The following PITPNM3 variants were observed in gnomAD, a reference collection of about 807,000 sequenced individuals.
PITPNM3 encodes membrane-associated phosphatidylinositol transfer protein 3.
A neutral mutation model predicts 102.0 loss-of-function variants in PITPNM3; 26 were observed. That is an observed-to-expected ratio of 0.25 (90% CI 0.19 to 0.35). The LOEUF is 0.35. Among genes scored for constraint, PITPNM3 ranks in the 10% least tolerant of loss-of-function variants. The probability of loss-of-function intolerance (pLI) is 1.00; values close to 1 mark genes in which losing one functional copy is unlikely to be tolerated. For synonymous variants in PITPNM3, 578 were observed against 558.6 expected (o/e 1.03, Z -0.49); for missense variants, 1,083 against 1,346.1 (o/e 0.80, Z 3.06).
Position 6,478,649 on chromosome 17 carries a change from G to A in PITPNM3, c.675C>T (p.Ser225=), listed in dbSNP as rs747118032. Residue 225 remains serine (S), a synonymous_variant, in exon 7 of 20, where the codon TCC becomes TCT. Coordinates refer to ENST00000262483, the MANE Select transcript of PITPNM3 (RefSeq NM_031220.4). This position sits in a 1 kb window ranked among gnomAD's most constrained non-coding sequence, Gnocchi z 4.4. ...PLAALPLLAI[S]SPQYQDAVAT... ...CGACAGCATCCTGGTACTGCGGGGA[G>A]GAGATGGCCAACAGGGGAAGGGCGG... The A allele has an allele frequency of 6.2e-7, 1 of 1,613,862 alleles. No individual in the cohort carries two copies. The highest frequency in any genetic ancestry group is 1.1e-5 in the South Asian group (1 of 91,016).
intron 3 of PITPNM3, among the ~76,000 whole-genome samples, chr17:6,507,589 A>AC (rs1261932610): frequency 2.0e-5 from 3 of 151,960 alleles, no homozygotes; most frequent in African/African-American, 7.2e-5. Context: ...ATTTAAAAAA[A>AC]AAAACAAAAC....
Position 6,537,870 on chromosome 17 carries a change from TG to T in PITPNM3, c.118+116del. 1.2e-6 allele frequency: 1 copy of T among 842,494 alleles called. No homozygotes were observed. Among genetic ancestry groups the T allele is most frequent in the Non-Finnish European group, 2.0e-6 (1 of 500,266 alleles). The allele number at this position is 842,494 out of a possible 1,614,324, so 52.2% of individuals were successfully genotyped here. A position where few individuals can be genotyped will look rare whatever the true frequency, so the allele number is the denominator to read the frequency against. On this transcript the variant is annotated intron_variant, in intron 2 of 19. Transcript: ENST00000262483. This position sits in a 1 kb window ranked among gnomAD's most constrained non-coding sequence, Gnocchi z 4.4. ...CCACAGGATGGGTAAGTATGGAGTGTGGAGCTGCAGATACCACGTCTGAGTG... is the reference window on the plus strand; with the variant it reads ...CCACAGGATGGGTAAGTATGGAGTGTGAGCTGCAGATACCACGTCTGAGTG...
At chr17:6,475,115 G>A (rs543530812) in intron 9 of PITPNM3, among the ~76,000 whole-genome samples, 45 of 152,308 alleles carry the variant, frequency 3.0e-4, no homozygotes, top group Non-Finnish European at 5.4e-4. Context: ...GCTGGCTAAC[G>A]TCAGTTCTGT....
chr17:6,516,220 A>C (rs1908165702), intron 3 of PITPNM3, among the ~76,000 whole-genome samples: 1 of 152,234 alleles, frequency 6.6e-6, no homozygotes, highest in Non-Finnish European at 1.5e-5. Context: ...ACCAAGAAAT[A>C]AGAATAAGAA....
chr17:6,544,258 C>T (rs535151895), intron 1 of PITPNM3, among the ~76,000 whole-genome samples: 89 of 152,314 alleles, frequency 5.8e-4, no homozygotes, highest in African/African-American at 2.0e-3. Flanking sequence ...GGCATGGTGC[C>T]GCACACTTGT....
At chr17:6,481,985 CCTCTCTCTCTCTCTCTCTCTCT>C (rs773528111) in intron 6 of PITPNM3, among the ~76,000 whole-genome samples, 30 of 56,142 alleles carry the variant, frequency 5.3e-4, no homozygotes, top group East Asian at 2.0e-3. Context: ...GAAAACAGAA[CCTCTCTCTCTCTCTCTCTCTCT>C]CTCTCTCTCT....
chr17:6,460,242 C>A (rs925487022), intron 18 of PITPNM3, among the ~76,000 whole-genome samples: 4 of 152,214 alleles, frequency 2.6e-5, no homozygotes, highest in South Asian at 2.1e-4. Context: ...TGCCTCCGTG[C>A]CTTTGCACAT....
intron 3 of PITPNM3, among the ~76,000 whole-genome samples, chr17:6,524,140 C>G (rs1351244497): frequency 3.9e-5 from 6 of 152,194 alleles, no homozygotes; most frequent in Non-Finnish European, 8.8e-5. Context: ...AGAAAAGGAA[C>G]AGGAACAGGG....
At position 6,451,921 on chromosome 17, in the gene PITPNM3, T is replaced by C. The variant is rs1042618261; in HGVS notation, c.*3417A>G. The C allele has an allele frequency of 7.2e-6, 1 of 138,746 alleles. No homozygotes were observed. Among genetic ancestry groups the C allele is most frequent in the African/African-American group, 2.6e-5 (1 of 38,126 alleles). 8.6% of individuals were successfully genotyped at this position (138,746 alleles called of 1,614,324 possible). A position where few individuals can be genotyped will look rare whatever the true frequency, so the allele number is the denominator to read the frequency against. On this transcript the variant is annotated 3_prime_UTR_variant, in exon 20 of 20. Transcript: ENST00000262483. ...GGGATTCGGTGGGAAAGTTGGTTGT[T>C]TAAGGCGGGGTCAGGGCACCCCTCC...
At chr17:6,549,677 T>G (rs756301105) in intron 1 of PITPNM3, among the ~76,000 whole-genome samples, 2 of 152,232 alleles carry the variant, frequency 1.3e-5, no homozygotes, top group African/African-American at 4.8e-5. Context: ...AGCATTTTCT[T>G]TCTCTTTAGA....
chr17:6,470,450 G>A lies in PITPNM3; in HGVS notation c.1625-42C>T, dbSNP rs765001722. 1 of 1,613,462 alleles carries A rather than the reference G, an allele frequency of 6.2e-7. No individual in the cohort carries two copies. Among genetic ancestry groups the A allele is most frequent in the Non-Finnish European group, 8.5e-7 (1 of 1,179,848 alleles). ...AAGGTGAGGATGCGTGGCCGGCCCG[G>A]GGCCTCACCCGAGGGGCAGCGGGGT... is the stretch of plus-strand genomic sequence containing the variant. On this transcript the variant is annotated intron_variant, in intron 12 of 19. Coordinates refer to ENST00000262483, the MANE Select transcript of PITPNM3 (RefSeq NM_031220.4). This position sits in a 1 kb window ranked among gnomAD's most constrained non-coding sequence, Gnocchi z 4.8.
intron 3 of PITPNM3, among the ~76,000 whole-genome samples, chr17:6,511,720 A>G (rs1303218709): frequency 6.6e-6 from 1 of 152,202 alleles, no homozygotes; most frequent in Admixed American, 6.5e-5. Context: ...ACAGTGGCTC[A>G]CGCCTGTAGT....
intron 2 of PITPNM3, among the ~76,000 whole-genome samples, chr17:6,525,736 T>C (rs572308545): frequency 2.0e-5 from 3 of 152,342 alleles, no homozygotes; most frequent in South Asian, 4.1e-4. Context: ...GTACCATTCC[T>C]AGCACTGATG....
intron 1 of PITPNM3, among the ~76,000 whole-genome samples, chr17:6,554,919 G>A (rs1052352412): frequency 1.3e-5 from 2 of 152,146 alleles, no homozygotes; most frequent in Admixed American, 6.5e-5. Flanking sequence ...GTTCACTGCC[G>A]TTGCGATGAC....
chr17:6,527,488 A>G (rs1056105028), intron 2 of PITPNM3, among the ~76,000 whole-genome samples: 6 of 152,296 alleles, frequency 3.9e-5, no homozygotes, highest in South Asian at 2.1e-4. Flanking sequence ...CATCACCAGC[A>G]CCACCACCAC....
chr17:6,535,861 C>T (rs970785359), intron 2 of PITPNM3, among the ~76,000 whole-genome samples: 2 of 151,702 alleles, frequency 1.3e-5, no homozygotes, highest in African/African-American at 4.8e-5. Flanking sequence ...AGTTTGAGAC[C>T]AGCCTGGCCA....
In PITPNM3 at chr17:6,556,325, T is replaced by G; in HGVS notation, c.22+60A>C. The stretch of plus-strand genomic sequence containing the variant: ...GTTCACCTGGGCCGGCGGCCCCTCC[T>G]CTAGACGCGCGAGTCCCTCCCCCGG... On this transcript the variant is annotated intron_variant, in intron 1 of 19. Coordinates refer to ENST00000262483, the MANE Select transcript of PITPNM3 (RefSeq NM_031220.4). The surrounding 1 kb of genome is among the most constrained non-coding windows in gnomAD (Gnocchi z 5.2). 1 of 1,369,320 alleles carries G rather than the reference T, an allele frequency of 7.3e-7. No homozygotes were observed. The highest frequency in any genetic ancestry group is 9.6e-7 in the Non-Finnish European group (1 of 1,046,170). 84.8% of individuals were successfully genotyped at this position (1,369,320 alleles called of 1,614,324 possible).
chr17:6,527,199 GC>G (rs1265446819), intron 2 of PITPNM3, among the ~76,000 whole-genome samples: 1 of 152,238 alleles, frequency 6.6e-6, no homozygotes, highest in Non-Finnish European at 1.5e-5. Flanking sequence ...AAGTCAAGGT[GC>G]TGTAAACAAA....
chr17:6,551,585 C>G (rs1003369590), intron 1 of PITPNM3, among the ~76,000 whole-genome samples: 1 of 151,944 alleles, frequency 6.6e-6, no homozygotes, highest in Non-Finnish European at 1.5e-5. Context: ...TTTAAGAATC[C>G]CAGCGTTGTC....
Sources: gnomAD v4.1 joint callset for allele counts (sites outside exome capture counted in the v4.1 genomes callset) on GRCh38, gnomAD v4.1.1 for gene constraint, Gnocchi (gnomAD v3.1) non-coding constraint, MANE v1.5 for transcripts, NCBI Gene and HGNC (gene_info 2026-07-23, HGNC 2026-07-21) for gene names.